Variants in ZNF320 observed in about 807,000 individuals in gnomAD.
The protein encoded by ZNF320 is zinc finger gene 320.
Under a neutral mutation model 6.8 loss-of-function variants are expected in ZNF320, and 2 were observed. The observed-to-expected ratio is 0.29, with a 90% CI of 0.12 to 0.93. ZNF320 has a LOEUF of 0.93. Among genes scored for constraint, ZNF320 ranks in the 40% least tolerant of loss-of-function variants. ZNF320 has a pLI of 0.55. For synonymous variants in ZNF320, 208 were observed against 203.2 expected, an observed-to-expected ratio of 1.02 and a Z score of -0.20; for missense variants, 472 against 611.0, an observed-to-expected ratio of 0.77 and a Z score of 2.40.
chr19:52,863,958 AAG>A, exon 6 of ZNF320: 1 of 426,928 alleles, frequency 2.3e-6, no homozygotes, highest in Non-Finnish European at 4.4e-6. Context: ...AAAATCACAA[AAG>A]AGAATACAAA....
intron 5 of ZNF320, among the ~76,000 whole-genome samples, chr19:52,886,429 G>A (rs1041531571): frequency 6.6e-6 from 1 of 152,066 alleles, no homozygotes. Flanking sequence ...CACTGCACCT[G>A]GCCAGGTTAT....
chr19:52,883,831 G>A (rs888462154), intron 5 of ZNF320: 7 of 313,964 alleles, frequency 2.2e-5, no homozygotes, highest in East Asian at 2.2e-4. Context: ...CCCAGGAGGC[G>A]GAGGTTGCAG....
chr19:52,892,718 C>T lies in ZNF320; in HGVS notation c.-192+1061G>A, dbSNP rs570499897. Among the ~76,000 whole-genome samples, 428 of 152,026 alleles carry T rather than the reference C, an allele frequency of 2.8e-3. 1 individual carries two copies. The highest frequency in any genetic ancestry group is 4.6e-3 in the Non-Finnish European group (313 of 67,982). Reference sequence around the variant, plus strand: ...CTCTTCTCCCATCTCTGTGCATCCTCTGCTCTCCCTGTTAAATTGTCTCTT... The same window carrying T: ...CTCTTCTCCCATCTCTGTGCATCCTTTGCTCTCCCTGTTAAATTGTCTCTT... On this transcript the variant is annotated intron_variant, in intron 2 of 5. Transcript: ENST00000682928.
chr19:52,885,443 G>A (rs964471042), intron 5 of ZNF320, among the ~76,000 whole-genome samples: 7 of 151,902 alleles, frequency 4.6e-5, no homozygotes, highest in South Asian at 2.1e-4. Context: ...TAGGCCAGGC[G>A]TGGTGGCTCA....
chr19:52,876,863 T>C lies in ZNF320; in HGVS notation c.*3733A>G, dbSNP rs1311286500. On this transcript the variant is annotated 3_prime_UTR_variant, in exon 6 of 6. Transcript: ENST00000682928. ...GGCTCATGGCTGTAATCCCAGCACC[T>C]TGGGAGGCCAATACGGCTGGATCGC... is the stretch of plus-strand genomic sequence containing the variant. The C allele has an allele frequency of 3.9e-5, 6 of 151,924 alleles. No individual in the cohort carries two copies. The highest frequency in any genetic ancestry group is 7.4e-5 in the Non-Finnish European group (5 of 68,026). The allele number at this position is 151,924 out of a possible 1,614,324, so 9.4% of individuals were successfully genotyped here.
At chr19:52,875,108 A>G (rs138158753), downstream of ZNF320, among the ~76,000 whole-genome samples, 400 of 152,320 alleles carry the variant, frequency 2.6e-3, 2 homozygotes, top group African/African-American at 9.2e-3. Flanking sequence ...GTCTCTTTAC[A>G]TTATAAATGA....
chr19:52,891,674 A>G (rs1247413034), intron 2 of ZNF320, among the ~76,000 whole-genome samples: 1 of 152,248 alleles, frequency 6.6e-6, no homozygotes, highest in Non-Finnish European at 1.5e-5. Context: ...GGCCCTGGAC[A>G]CAGGGCTGTG....
chr19:52,867,905 C>T (rs965833282), intron 5 of ZNF320, among the ~76,000 whole-genome samples: 24 of 152,126 alleles, frequency 1.6e-4, no homozygotes, highest in African/African-American at 5.6e-4. Context: ...AGCCACCGCA[C>T]CCGGCCATTT....
At chr19:52,882,498 A>T (rs2063952642) in intron 5 of ZNF320, among the ~76,000 whole-genome samples, 1 of 152,200 alleles carries the variant, frequency 6.6e-6, no homozygotes, top group Non-Finnish European at 1.5e-5. Context: ...GATTACAAAA[A>T]TTAGCCAGGT....
downstream of ZNF320, among the ~76,000 whole-genome samples, chr19:52,875,243 TG>T (rs1384053324): frequency 2.0e-5 from 3 of 152,164 alleles, no homozygotes; most frequent in African/African-American, 7.2e-5. Flanking sequence ...GGAATGTGTT[TG>T]GGGGTTTAGG....
At chr19:52,882,713 C>A (rs192190408) in intron 5 of ZNF320, among the ~76,000 whole-genome samples, 1 of 152,140 alleles carries the variant, frequency 6.6e-6, no homozygotes, top group African/African-American at 2.4e-5. Context: ...AAGGCGGAGG[C>A]AGGCACATCG....
chr19:52,884,433 T>A (rs2064013755), intron 5 of ZNF320, among the ~76,000 whole-genome samples: 1 of 152,156 alleles, frequency 6.6e-6, no homozygotes, highest in Admixed American at 6.5e-5. Flanking sequence ...TTCTCCTGCC[T>A]CAGCCTCCCA....
chr19:52,863,928 A>C (rs2063502614), exon 6 of ZNF320: 1 of 367,088 alleles, frequency 2.7e-6, no homozygotes, highest in African/African-American at 2.2e-5. Context: ...AGCTGTGTAC[A>C]TCAAAAGCAC....
In ZNF320 at chr19:52,881,883, G is replaced by A. The variant is rs765134537; in HGVS notation, c.243C>T (p.His81=). 4 of 1,613,786 alleles carry A rather than the reference G, an allele frequency of 2.5e-6. No individual in the cohort carries two copies. In the Admixed American group the frequency reaches 5.0e-5, roughly 20 times the overall value. Residue 81 remains histidine, a synonymous_variant, in exon 6 of 6, where the codon CAC becomes CAT. Coordinates refer to ENST00000682928, the MANE Select transcript of ZNF320 (RefSeq NM_001351774.2). ...TTTCCTGGGAGCAAAATGCTCCAAT[G>A]TGATAACTTGCTTGTCTCTGCAATG... ...TGTLQRQASY[H]IGAFCSQEIE... is the part of the protein sequence containing the mutation.
chr19:52,867,282 C>G (rs1198798389), intron 5 of ZNF320, among the ~76,000 whole-genome samples: 2 of 152,154 alleles, frequency 1.3e-5, no homozygotes, highest in Non-Finnish European at 2.9e-5. Flanking sequence ...ACTGCCACCT[C>G]TGCCTCCTGG....
downstream of ZNF320, among the ~76,000 whole-genome samples, chr19:52,873,218 A>G (rs1362581318): frequency 6.6e-6 from 1 of 152,090 alleles, no homozygotes; most frequent in African/African-American, 2.4e-5. Flanking sequence ...GGGCTGAGGG[A>G]CCTGTAAGGT....
rs200858656 is a variant in ZNF320, at chr19:52,867,194, ATTT to A, written c.224-3038_224-3036del. On this transcript the variant is annotated intron_variant, in intron 5 of 5. Transcript: ENST00000673631. ...AATTAATTAATTAATTAATTAATTT[ATTT>A]ATTTATGTATTTATTTTTTGAGATG... Among the ~76,000 whole-genome samples, 806 of 149,206 alleles carry A rather than the reference ATTT, an allele frequency of 5.4e-3. 9 individuals carry two copies. The highest frequency in any genetic ancestry group is 0.018 in the African/African-American group (688 of 38,834).
At chr19:52,883,642 G>A (rs1442187203) in intron 5 of ZNF320, 8 of 455,184 alleles carry the variant, frequency 1.8e-5, no homozygotes, top group South Asian at 1.2e-4. Flanking sequence ...GCACATACCT[G>A]TAATCCCAGC....
intron 5 of ZNF320, among the ~76,000 whole-genome samples, chr19:52,885,740 A>T (rs1405870196): frequency 1.3e-5 from 2 of 151,402 alleles, no homozygotes; most frequent in Admixed American, 6.6e-5. Flanking sequence ...AATAAATAAA[A>T]CAATAAAAAT....
Sources: allele counts gnomAD v4.1 joint callset (sites outside exome capture counted in the v4.1 genomes callset), GRCh38; gene constraint gnomAD v4.1.1; transcripts MANE v1.5; gene names NCBI Gene and HGNC (gene_info 2026-07-23, HGNC 2026-07-21).